The following CEP63 variants were observed in gnomAD, a reference collection of about 807,000 sequenced individuals.
CEP63 encodes centrosomal protein of 63 kDa.
In CEP63, 84 loss-of-function variants were observed where a neutral mutation model predicts 89.1. The ratio of observed to expected loss-of-function variants is 0.94; its 90% confidence interval spans 0.79 to 1.13. CEP63 has a LOEUF of 1.13. Among genes scored for constraint, CEP63 ranks in the 50% most tolerant of loss-of-function variants. The probability of loss-of-function intolerance (pLI) is 0.00; values close to 1 mark genes in which losing one functional copy is unlikely to be tolerated. For missense variants in CEP63, 838 were observed against 813.3 expected, an observed-to-expected ratio of 1.03 and a Z score of -0.37; for synonymous variants, 267 against 272.5, an observed-to-expected ratio of 0.98 and a Z score of 0.20.
downstream of CEP63, among the ~76,000 whole-genome samples, chr3:134,591,887 C>T (rs1958603243): frequency 2.3e-5 from 1 of 42,604 alleles, no homozygotes; most frequent in African/African-American, 9.7e-5. Context: ...ACCCTGTCCC[C>T]CCAAAAAATA....
the CEP63 span, chr3:134,651,335 C>G: frequency 8.6e-7 from 1 of 1,162,198 alleles, no homozygotes; most frequent in Admixed American, 4.3e-5. Flanking sequence ...GCTTCTCTGG[C>G]TGAGCGCTGC....
the CEP63 span, among the ~76,000 whole-genome samples, chr3:134,661,333 T>TC: frequency 6.6e-6 from 1 of 152,192 alleles, no homozygotes; most frequent in African/African-American, 2.4e-5. Flanking sequence ...ACCTTTCTGT[T>TC]CCTTCCGCCT....
the CEP63 span, among the ~76,000 whole-genome samples, chr3:134,715,535 TTTG>T: frequency 8.0e-3 from 200 of 25,090 alleles, 3 homozygotes; most frequent in East Asian, 0.053. Context: ...TTTGTTTTTT[TTTG>T]TTTTTTCCTC....
the CEP63 span, among the ~76,000 whole-genome samples, chr3:134,638,670 G>A: frequency 6.6e-6 from 1 of 152,224 alleles, no homozygotes; most frequent in East Asian, 1.9e-4. Flanking sequence ...CTCAGAAACA[G>A]AGCATACAGG....
chr3:134,651,386 AG>A, the CEP63 span: 5 of 1,101,862 alleles, frequency 4.5e-6, no homozygotes, highest in Admixed American at 1.9e-4. Context: ...AGAGGGCTGG[AG>A]CCGACCTCCC....
the CEP63 span, among the ~76,000 whole-genome samples, chr3:134,671,238 A>T: frequency 4.0e-4 from 61 of 152,358 alleles, no homozygotes; most frequent in Non-Finnish European, 4.6e-4. Flanking sequence ...TCAGAAACAG[A>T]AAAGCAAATA....
chr3:134,701,355 TATATATACATATACACACAC>T, the CEP63 span, among the ~76,000 whole-genome samples: 13 of 21,584 alleles, frequency 6.0e-4, 2 homozygotes, highest in South Asian at 5.5e-3. Context: ...TATATATGTG[TATATATACATATACACACAC>T]ATATATACGT....
At chr3:134,625,132 T>C in the CEP63 span, 1 of 1,595,208 alleles carries the variant, frequency 6.3e-7, no homozygotes, top group Non-Finnish European at 8.5e-7. Context: ...ATCCCAGGGG[T>C]AGGCTGGAAA....
At chr3:134,602,250 C>G in the CEP63 span, among the ~76,000 whole-genome samples, 1 of 152,154 alleles carries the variant, frequency 6.6e-6, no homozygotes, top group Admixed American at 6.5e-5. Context: ...TCTCGCCTTT[C>G]CCTCTTATCT....
chr3:134,691,119 C>T, the CEP63 span, among the ~76,000 whole-genome samples: 1 of 152,200 alleles, frequency 6.6e-6, no homozygotes, highest in African/African-American at 2.4e-5. Context: ...CTTTGGGAAG[C>T]TGAGGTGGGC....
chr3:134,703,557 T>C, the CEP63 span, among the ~76,000 whole-genome samples: 1 of 151,776 alleles, frequency 6.6e-6, no homozygotes, highest in Non-Finnish European at 1.5e-5. Flanking sequence ...TTCTCACTTA[T>C]AAGTGGGAGC....
Position 134,486,061 on chromosome 3 carries a change from A to C in CEP63, c.-167A>C, listed in dbSNP as rs965573773. 24 of 983,814 alleles carry C rather than the reference A, an allele frequency of 2.4e-5. No individual in the cohort carries two copies. In the African/African-American group the frequency reaches 3.6e-4, roughly 15 times the overall value. 60.9% of individuals were successfully genotyped at this position (983,814 alleles called of 1,614,324 possible). Reference sequence around the variant, plus strand: ...CGGATTCCCGGATGTGGGTGAGTTCATTTGCTCGCGTGCAGGGGAAGTCTG... The same window carrying C: ...CGGATTCCCGGATGTGGGTGAGTTCCTTTGCTCGCGTGCAGGGGAAGTCTG... On this transcript the variant is annotated 5_prime_UTR_variant, in exon 1 of 15. Transcript: ENST00000675561.
At chr3:134,586,826 A>G (rs966601813) in intron 10 of CEP63, among the ~76,000 whole-genome samples, 2 of 152,158 alleles carry the variant, frequency 1.3e-5, no homozygotes, top group Non-Finnish European at 2.9e-5. Flanking sequence ...TTTCAGGTAC[A>G]CCAATCAAAC....
At chr3:134,730,897 A>T in the CEP63 span, among the ~76,000 whole-genome samples, 3 of 152,150 alleles carry the variant, frequency 2.0e-5, no homozygotes, top group Non-Finnish European at 4.4e-5. Context: ...TGCCTGCAAG[A>T]GCTACATTGA....
the CEP63 span, among the ~76,000 whole-genome samples, chr3:134,628,934 C>T: frequency 6.6e-6 from 1 of 152,314 alleles, no homozygotes; most frequent in African/African-American, 2.4e-5. Context: ...AGGACTTTGG[C>T]TCACTGCATG....
chr3:134,486,208 G>T lies in CEP63; in HGVS notation c.-26+6G>T, dbSNP rs1316528652. ...GTGCGCAGCGCCGGCCCGAGGTAAC[G>T]GCGGGAAGGCTCAGGGGCGTGCTTG... is the stretch of plus-strand genomic sequence containing the variant. On this transcript the variant is annotated splice_donor_region_variant and intron_variant, in intron 1 of 14. Coordinates refer to ENST00000675561, the MANE Select transcript of CEP63 (RefSeq NM_001353108.3). 8 of 985,396 alleles carry T rather than the reference G, an allele frequency of 8.1e-6. No homozygotes were observed. The highest frequency in any genetic ancestry group is 6.1e-5 in the Admixed American group (1 of 16,262). 61.0% of individuals were successfully genotyped at this position (985,396 alleles called of 1,614,324 possible). A position where few individuals can be genotyped will look rare whatever the true frequency, so the allele number is the denominator to read the frequency against.
intron 2 of CEP63, among the ~76,000 whole-genome samples, chr3:134,502,104 T>A (rs1188586210): frequency 6.6e-6 from 1 of 152,240 alleles, no homozygotes; most frequent in East Asian, 1.9e-4. Context: ...TTTTTGTTTT[T>A]AATTCTGTTT....
At position 134,564,968 on chromosome 3, in the gene CEP63, T is replaced by C; in HGVS notation, c.*3433T>C. The C allele has an allele frequency of 2.0e-6, 2 of 977,648 alleles. No individual in the cohort carries two copies. The highest frequency in any genetic ancestry group is 2.4e-6 in the Non-Finnish European group (2 of 822,794). 60.6% of individuals were successfully genotyped at this position (977,648 alleles called of 1,614,324 possible). Reference sequence around the variant, plus strand: ...TTTGTCAGAACATTTGACTGTAATTTAATGTCTCACCATTTTTCAAAAAGA... The same window carrying C: ...TTTGTCAGAACATTTGACTGTAATTCAATGTCTCACCATTTTTCAAAAAGA... On this transcript the variant is annotated 3_prime_UTR_variant, in exon 15 of 15. Transcript: ENST00000675561.
At chr3:134,556,679 A>G (rs1024193958) in intron 12 of CEP63, among the ~76,000 whole-genome samples, 1 of 152,228 alleles carries the variant, frequency 6.6e-6, no homozygotes, top group East Asian at 1.9e-4. Context: ...AAGCCAGACC[A>G]TGACCAGAGA....
Sources: gnomAD v4.1 joint callset for allele counts (sites outside exome capture counted in the v4.1 genomes callset) on GRCh38, gnomAD v4.1.1 for gene constraint, MANE v1.5 for transcripts, NCBI Gene and HGNC (gene_info 2026-07-23, HGNC 2026-07-21) for gene names.